Variants in SLMAP observed in about 807,000 individuals in gnomAD.
The protein encoded by SLMAP is sarcolemma associated protein, also known as sarcolemmal membrane-associated protein.
A neutral mutation model predicts 128.8 loss-of-function variants in SLMAP; 44 were observed. The ratio of observed to expected loss-of-function variants is 0.34; its 90% CI spans 0.27 to 0.44. The LOEUF (loss-of-function observed/expected upper bound fraction) is 0.44, where lower values mean the gene tolerates loss of function less well. SLMAP is among the 20% of genes least tolerant of loss of function. The pLI is 1.00. For missense variants in SLMAP, 787 were observed against 985.3 expected (o/e 0.80, Z 2.69); for synonymous variants, 327 against 348.8 (o/e 0.94, Z 0.70).
intron 2 of SLMAP, among the ~76,000 whole-genome samples, chr3:57,771,090 G>A (rs2080751537): frequency 6.6e-6 from 1 of 151,484 alleles, no homozygotes; most frequent in Non-Finnish European, 1.5e-5. Flanking sequence ...TGCTCAACCT[G>A]TATTACTTAC....
intron 13 of SLMAP, among the ~76,000 whole-genome samples, chr3:57,867,897 A>AT (rs1560324580): frequency 6.6e-6 from 1 of 152,144 alleles, no homozygotes; most frequent in Non-Finnish European, 1.5e-5. Context: ...TGTACTGTAA[A>AT]TTTTTTGTGT....
intron 6 of SLMAP, among the ~76,000 whole-genome samples, chr3:57,855,905 G>A (rs1035701811): frequency 6.6e-6 from 1 of 151,856 alleles, no homozygotes; most frequent in Non-Finnish European, 1.5e-5. Flanking sequence ...TGAGCCAGGC[G>A]TGGTGGTGCT....
rs144571814 is a variant in SLMAP at position 57,782,642 on chromosome 3, T to C, written c.198+24793T>C. The stretch of plus-strand genomic sequence containing the variant: ...TGTGCACCACCATGCCTGGCTAATT[T>C]TTTTGTTTTTTTGTAAAGATGGGTT... On this transcript the variant is annotated intron_variant, in intron 2 of 24. Transcript: ENST00000671191. Among the ~76,000 whole-genome samples, 57 of 152,120 alleles carry C rather than the reference T, an allele frequency of 3.7e-4. 1 individual carries two copies. The East Asian group carries it at 0.011, about 28-fold the overall frequency.
chr3:57,905,352 G>A (rs2096502763), intron 17 of SLMAP, among the ~76,000 whole-genome samples: 1 of 152,074 alleles, frequency 6.6e-6, no homozygotes, highest in South Asian at 2.1e-4. Context: ...CATGATCTCG[G>A]CTCACTGCAG....
At chr3:57,923,109 T>A (rs1030194226) in intron 23 of SLMAP, 86 bp downstream of exon 23, 5 of 1,258,128 alleles carry the variant, frequency 4.0e-6, no homozygotes, top group Non-Finnish European at 5.7e-6. Context: ...ATCACTGATT[T>A]GTGAAGCAAA....
intron 17 of SLMAP, among the ~76,000 whole-genome samples, chr3:57,903,998 A>G (rs2096463761): frequency 1.3e-5 from 2 of 152,198 alleles, no homozygotes; most frequent in South Asian, 4.1e-4. Context: ...ACAACCATAT[A>G]AAATACAGTG....
At chr3:57,898,855 CTG>C (rs1172554614) in intron 17 of SLMAP, 8 of 152,150 alleles carry the variant, frequency 5.3e-5, no homozygotes, top group African/African-American at 1.9e-4. Flanking sequence ...CTTAACTGCT[CTG>C]TGATTCAGGG....
intron 21 of SLMAP, 62 bp downstream of exon 21, chr3:57,913,337 A>C (rs1306880869): frequency 4.3e-6 from 3 of 694,626 alleles, no homozygotes; most frequent in Non-Finnish European, 7.1e-6. Context: ...TTTTCATCTA[A>C]ATTAAATTTA....
At chr3:57,828,037 C>A (rs1180996507) in intron 2 of SLMAP, among the ~76,000 whole-genome samples, 1 of 152,206 alleles carries the variant, frequency 6.6e-6, no homozygotes, top group East Asian at 1.9e-4. Context: ...CAACCTCTGC[C>A]CCCCAGATTC....
chr3:57,764,527 GA>G (rs1181597067), intron 2 of SLMAP, among the ~76,000 whole-genome samples: 4 of 150,594 alleles, frequency 2.7e-5, no homozygotes, highest in African/African-American at 9.7e-5. Context: ...AGAAAAGAAA[GA>G]AAGAGTGATA....
At chr3:57,887,626 A>C (rs2095931406) in intron 14 of SLMAP, among the ~76,000 whole-genome samples, 1 of 152,314 alleles carries the variant, frequency 6.6e-6, no homozygotes, top group African/African-American at 2.4e-5. Context: ...ATCTAGACAG[A>C]TGGAGTCTTT....
chr3:57,778,570 C>CTTTTTTT (rs1171049495), intron 2 of SLMAP, among the ~76,000 whole-genome samples: 11 of 115,118 alleles, frequency 9.6e-5, no homozygotes, highest in Non-Finnish European at 2.1e-4. Context: ...TTCTTTCTTT[C>CTTTTTTT]TTTTTTTTTT....
intron 6 of SLMAP, among the ~76,000 whole-genome samples, chr3:57,851,242 C>T (rs2094487002): frequency 6.6e-6 from 1 of 151,970 alleles, no homozygotes; most frequent in Non-Finnish European, 1.5e-5. Flanking sequence ...CTGTGCTGTG[C>T]TGCTGGATTC....
At chr3:57,891,998 T>G (rs2096086089) in intron 15 of SLMAP, among the ~76,000 whole-genome samples, 1 of 152,180 alleles carries the variant, frequency 6.6e-6, no homozygotes, top group African/African-American at 2.4e-5. Flanking sequence ...TTAAATAAAT[T>G]ATGGCAAATA....
chr3:57,894,874 G>A (rs1027642048), intron 15 of SLMAP, among the ~76,000 whole-genome samples: 14 of 152,278 alleles, frequency 9.2e-5, no homozygotes, highest in African/African-American at 2.9e-4. Context: ...AATAATGTAG[G>A]GACCAGATTA....
intron 2 of SLMAP, among the ~76,000 whole-genome samples, chr3:57,829,261 A>T (rs1250330374): frequency 6.6e-6 from 1 of 151,810 alleles, no homozygotes; most frequent in East Asian, 1.9e-4. Flanking sequence ...TGTATTCTTT[A>T]TTTTTATTCT....
chr3:57,865,320 T>G, intron 13 of SLMAP, 28 bp downstream of exon 13: 2 of 939,816 alleles, frequency 2.1e-6, no homozygotes, highest in Non-Finnish European at 3.2e-6. Context: ...AATATATATA[T>G]ACTTTTTATG....
chr3:57,913,403 T>C, intron 21 of SLMAP, 128 bp downstream of exon 21: 1 of 526,586 alleles, frequency 1.9e-6, no homozygotes, highest in African/African-American at 1.9e-5. Context: ...TCTGTTTGGC[T>C]ATTTGGCAGG....
At chr3:57,837,244 A>T (rs2093681010) in intron 3 of SLMAP, among the ~76,000 whole-genome samples, 1 of 152,108 alleles carries the variant, frequency 6.6e-6, no homozygotes, top group Admixed American at 6.5e-5. Context: ...CCCTCACTAA[A>T]CTGTAAGCTG....
Sources: gnomAD v4.1 joint callset for allele counts (sites outside exome capture counted in the v4.1 genomes callset) on GRCh38, gnomAD v4.1.1 for gene constraint, MANE v1.5 for transcripts, NCBI Gene and HGNC (gene_info 2026-07-23, HGNC 2026-07-21) for gene names.